CBLN1: variants seen among roughly 807,000 people sequenced by gnomAD.
CBLN1 encodes the protein cerebellin-1.
In CBLN1, 5 loss-of-function variants were observed where a neutral mutation model predicts 15.9. The observed-to-expected ratio is 0.31, with a 90% CI of 0.16 to 0.66. The LOEUF is 0.66. CBLN1 is among the 30% of genes least tolerant of loss of function. The pLI, the probability that CBLN1 is intolerant of heterozygous loss-of-function variation, is 0.75. For synonymous variants in CBLN1, 90 were observed against 107.6 expected (o/e 0.84, Z 1.01); for missense variants, 164 against 253.7 (o/e 0.65, Z 2.40).
At chr16:49,279,686 T>TGTTAGCCAAGC in intron 2 of CBLN1, 85 bp from the exon 3 acceptor site, 1 of 962,188 alleles carries the variant, frequency 1.0e-6, no homozygotes, top group Non-Finnish European at 1.5e-6. Context: ...CTTGCTTGGC[T>TGTTAGCCAAGC]AACAGCCTGT....
intron 2 of CBLN1, among the ~76,000 whole-genome samples, chr16:49,280,146 T>C (rs1345349144): frequency 1.3e-5 from 2 of 152,122 alleles, no homozygotes; most frequent in Non-Finnish European, 2.9e-5. Context: ...CGGCACAATG[T>C]ATTTCCTCCC....
At position 49,278,724 on chromosome 16, in the gene CBLN1, G is replaced by T. The variant is rs1412893407; in HGVS notation, c.*680C>A. The T allele has an allele frequency of 1.3e-5, 2 of 152,142 alleles. No homozygotes were observed. The highest frequency in any genetic ancestry group is 2.9e-5 in the Non-Finnish European group (2 of 68,062). 9.4% of individuals were successfully genotyped at this position (152,142 alleles called of 1,614,324 possible). The stretch of plus-strand genomic sequence containing the variant: ...CACTCCGAATAGAACATAGAAATAC[G>T]GAAACACAGCCAGTTTCCACTGGGA... On this transcript the variant is annotated 3_prime_UTR_variant, in exon 3 of 3. Transcript: ENST00000219197.
chr16:49,281,435 C>T lies in CBLN1; in HGVS notation c.31G>A (p.Gly11Arg). 6.3e-7 allele frequency: 1 copy of T among 1,589,772 alleles called. No homozygotes were observed. The highest frequency in any genetic ancestry group is 8.5e-7 in the Non-Finnish European group (1 of 1,174,714). ...GCCGGGCCCGCCAGCCACGCAGCCC[C>T]CAGCAGCAGCAGCTCCAGGACGCCC... MLGVLELLLLGAAWLAGPARG... is the reference protein window; with the variant it reads MLGVLELLLLRAAWLAGPARG... The change falls in exon 1 of 3, where the codon GGG becomes AGG. Residue 11 changes from glycine to arginine, a missense_variant. Gly to Arg is a moderately radical substitution (Grantham distance 125, BLOSUM62 -2). Coordinates refer to ENST00000219197, the MANE Select transcript of CBLN1 (RefSeq NM_004352.4).
chr16:49,281,359 A>G lies in CBLN1; in HGVS notation c.107T>C (p.Val36Ala). Residue 36 changes from valine (V) to alanine (A), a missense_variant, in exon 1 of 3, where the codon GTG becomes GCG. By Grantham distance (64) the Val-to-Ala change is moderately conservative (BLOSUM62 0). This residue lies in a region of CBLN1 where 127 missense variants were observed against 179.7 expected (regional missense o/e 0.71). Transcript: ENST00000219197. ...GGACGTGGGGTTGGAGTCGCACACC[A>G]CCAGGCACTTGCCCTCCAGCACGAT... The part of the protein sequence containing the change: ...EPIVLEGKCL[V>A]VCDSNPTSDP... The G allele has an allele frequency of 6.2e-7, 1 of 1,610,908 alleles. No individual in the cohort carries two copies. Among genetic ancestry groups the G allele is most frequent in the Non-Finnish European group, 8.5e-7 (1 of 1,179,950 alleles).
rs1674925131 is a variant in CBLN1 at position 49,279,222 on chromosome 16, C to T, written c.*182G>A. On this transcript the variant is annotated 3_prime_UTR_variant, in exon 3 of 3. Coordinates refer to ENST00000219197, the MANE Select transcript of CBLN1 (RefSeq NM_004352.4). ...GCAGAGCTAAGCGAAATTTATTTCT[C>T]CTAATAAGGAAATGGACAAAGTTGT... 1.6e-6 allele frequency: 1 copy of T among 614,062 alleles called. No homozygotes were observed. Among genetic ancestry groups the T allele is most frequent in the African/African-American group, 1.9e-5 (1 of 54,020 alleles). The allele number at this position is 614,062 out of a possible 1,614,324, so 38.0% of individuals were successfully genotyped here.
chr16:49,281,370 G>A lies in CBLN1; in HGVS notation c.96C>T (p.Gly32=). Residue 32 remains glycine (G), a synonymous_variant, in exon 1 of 3, where the codon GGC becomes GGT. Coordinates refer to ENST00000219197, the MANE Select transcript of CBLN1 (RefSeq NM_004352.4). ...TGGAGTCGCACACCACCAGGCACTT[G>A]CCCTCCAGCACGATGGGCTCCGTCT... ...QNETEPIVLE[G]KCLVVCDSNP... is the part of the protein sequence containing the mutation. 3.7e-6 allele frequency: 6 copies of A among 1,609,836 alleles called. No individual in the cohort carries two copies. The highest frequency in any genetic ancestry group is 5.1e-6 in the Non-Finnish European group (6 of 1,179,910).
Position 49,281,292 on chromosome 16 carries a change from G to A in CBLN1, c.174C>T (p.Gly58=). The A allele has an allele frequency of 6.2e-7, 1 of 1,613,816 alleles. No homozygotes were observed. Among genetic ancestry groups the A allele is most frequent in the Non-Finnish European group, 8.5e-7 (1 of 1,180,040 alleles). The change falls in exon 1 of 3, where the codon GGC becomes GGT. Residue 58 remains glycine, a synonymous_variant. Transcript: ENST00000219197. ...GTALGISVRS[G]SAKVAFSAIR... is the part of the protein sequence containing the mutation. The stretch of plus-strand genomic sequence containing the variant: ...TGGCAGAGAAAGCCACCTTGGCGCT[G>A]CCAGAGCGCACAGAGATGCCCAGGG...
chr16:49,281,722 A>C lies in CBLN1; in HGVS notation c.-257T>G. On this transcript the variant is annotated 5_prime_UTR_variant, in exon 1 of 3. Coordinates refer to ENST00000219197, the MANE Select transcript of CBLN1 (RefSeq NM_004352.4). ...GCTGCCCAGCCGCACTTGGATGCAT[A>C]GCCGCTGCTGCTCGGTCCCGCTGCT... The C allele has an allele frequency of 2.8e-6, 1 of 354,930 alleles. No homozygotes were observed. Among genetic ancestry groups the C allele is most frequent in the Non-Finnish European group, 5.0e-6 (1 of 199,872 alleles). 22.0% of individuals were successfully genotyped at this position (354,930 alleles called of 1,614,324 possible).
rs1319329692 is a variant in CBLN1 at position 49,279,461 on chromosome 16, G to A, written c.525C>T (p.Asn175=). ...TCGAGTACTTCCAGCCCCCCATCAA[G>A]TTTCCCCGCTCCAGCTTGAGGTATG... The part of the protein sequence containing the change: ...DRAYLKLERG[N]LMGGWKYSTF... The change falls in exon 3 of 3, where the codon AAC becomes AAT. Residue 175 remains asparagine, a synonymous_variant. Transcript: ENST00000219197. 4.3e-6 allele frequency: 7 copies of A among 1,614,180 alleles called. No individual in the cohort carries two copies. The highest frequency in any genetic ancestry group is 1.1e-5 in the South Asian group (1 of 91,078).
At position 49,281,433 on chromosome 16, in the gene CBLN1, C is replaced by G. The variant is rs1248391329; in HGVS notation, c.33G>C (p.Gly11=). The change falls in exon 1 of 3, where the codon GGG becomes GGC. Residue 11 remains glycine, a synonymous_variant. Transcript: ENST00000219197. MLGVLELLLL[G]AAWLAGPARG... is the part of the protein sequence containing the mutation. ...GGGCCGGGCCCGCCAGCCACGCAGC[C>G]CCCAGCAGCAGCAGCTCCAGGACGC... is the stretch of plus-strand genomic sequence containing the variant. 1 of 1,592,496 alleles carries G rather than the reference C, an allele frequency of 6.3e-7. No individual in the cohort carries two copies. The highest frequency in any genetic ancestry group is 8.5e-7 in the Non-Finnish European group (1 of 1,176,074).
Position 49,279,618 on chromosome 16 carries a change from C to A in CBLN1, c.385-17G>T, listed in dbSNP as rs768101476. 2 of 1,613,540 alleles carry A rather than the reference C, an allele frequency of 1.2e-6. No homozygotes were observed. The highest frequency in any genetic ancestry group is 1.3e-5 in the African/African-American group (1 of 74,894). On this transcript the variant is annotated splice_polypyrimidine_tract_variant and intron_variant, in intron 2 of 2. Coordinates refer to ENST00000219197, the MANE Select transcript of CBLN1 (RefSeq NM_004352.4). ...GAGGCTCACCTGAGAAAGAGAAAGG[C>A]CCGCTTCAGAGGCGCAACCTAGGCA...
At chr16:49,279,697 A>T in intron 2 of CBLN1, 96 bp from the exon 3 acceptor site, 3 of 581,970 alleles carry the variant, frequency 5.2e-6, no homozygotes, top group Non-Finnish European at 8.8e-6. Context: ...AACAGCCTGT[A>T]AGGCCTGGAA....
At chr16:49,280,355 C>A (rs924931937) in intron 2 of CBLN1, among the ~76,000 whole-genome samples, 9 of 152,194 alleles carry the variant, frequency 5.9e-5, no homozygotes, top group Non-Finnish European at 1.3e-4. Context: ...ACGGCTGGAG[C>A]CGGGAGAGAG....
chr16:49,281,674 T>G lies in CBLN1; in HGVS notation c.-209A>C. ...CTCCGCGCTGTGTTCCCGGAGCCCC[T>G]CCCGGGCCTCAGGGGTGCCGCGGCT... On this transcript the variant is annotated 5_prime_UTR_variant, in exon 1 of 3. Coordinates refer to ENST00000219197, the MANE Select transcript of CBLN1 (RefSeq NM_004352.4). The G allele has an allele frequency of 1.9e-5, 7 of 371,174 alleles. No homozygotes were observed. Among genetic ancestry groups the G allele is most frequent in the East Asian group, 8.7e-5 (2 of 23,120 alleles). The allele number at this position is 371,174 out of a possible 1,614,324, so 23.0% of individuals were successfully genotyped here. A position where few individuals can be genotyped will look rare whatever the true frequency, so the allele number is the denominator to read the frequency against.
Position 49,279,371 on chromosome 16 carries a change from C to T in CBLN1, c.*33G>A. On this transcript the variant is annotated 3_prime_UTR_variant, in exon 3 of 3. Transcript: ENST00000219197. ...TTCTCACTCCCCTTCCTGCCTTCGC[C>T]CTCTCCCTGCCTCCCTTCCGGCTAC... 6.2e-7 allele frequency: 1 copy of T among 1,604,332 alleles called. No individual in the cohort carries two copies. The highest frequency in any genetic ancestry group is 1.1e-5 in the South Asian group (1 of 90,860).
chr16:49,279,108 G>A lies in CBLN1; in HGVS notation c.*296C>T. 2.3e-5 allele frequency: 10 copies of A among 435,830 alleles called. No homozygotes were observed. The South Asian group carries it at 2.6e-4, about 11-fold the overall frequency. The allele number at this position is 435,830 out of a possible 1,614,324, so 27.0% of individuals were successfully genotyped here. On this transcript the variant is annotated 3_prime_UTR_variant, in exon 3 of 3. Transcript: ENST00000219197. ...ATAAATTGCAGGGAACATGAAGTTG[G>A]GGGATAAGAAACAATGACAAGGCAG...
rs1200491243 is a variant in CBLN1 at position 49,278,036 on chromosome 16, C to T, written c.*1368G>A. The stretch of plus-strand genomic sequence containing the variant: ...CCTGTGAATGAGCGGAATCATAGGT[C>T]CTGGGCGCCCGAGTATGCGGCGGGT... On this transcript the variant is annotated 3_prime_UTR_variant, in exon 3 of 3. Coordinates refer to ENST00000219197, the MANE Select transcript of CBLN1 (RefSeq NM_004352.4). The T allele has an allele frequency of 2.6e-5, 4 of 152,236 alleles. No individual in the cohort carries two copies. Among genetic ancestry groups the T allele is most frequent in the Admixed American group, 6.5e-5 (1 of 15,278 alleles). The allele number at this position is 152,236 out of a possible 1,614,324, so 9.4% of individuals were successfully genotyped here. A position where few individuals can be genotyped will look rare whatever the true frequency, so the allele number is the denominator to read the frequency against.
chr16:49,279,726 T>TGGGGGGGGGGG lies in CBLN1; in HGVS notation c.385-126_385-125insCCCCCCCCCCC. The TGGGGGGGGGGG allele has an allele frequency of 5.4e-5, 12 of 222,140 alleles. 1 individual carries two copies. The highest frequency in any genetic ancestry group is 2.4e-4 in the East Asian group (2 of 8,230). 13.8% of individuals were successfully genotyped at this position (222,140 alleles called of 1,614,324 possible). A position where few individuals can be genotyped will look rare whatever the true frequency, so the allele number is the denominator to read the frequency against. The stretch of plus-strand genomic sequence containing the variant: ...CCTGGAAGCACGGAGAGGTGGGGGG[T>TGGGGGGGGGGG]GGGGGGGGCGAATGGAGGAAAAGGG... On this transcript the variant is annotated intron_variant, in intron 2 of 2. Transcript: ENST00000219197.
At position 49,280,991 on chromosome 16, in the gene CBLN1, C is replaced by G. The variant is rs1428358813; in HGVS notation, c.316G>C (p.Ala106Pro). The stretch of plus-strand genomic sequence containing the variant: ...AAACTGTAGATCCCTTTGCGCGGGG[C>G]GATGAAAGTGCTGCGTTCTGAATCA... ...NFDSERSTFI[A>P]PRKGIYSFNF... Residue 106 changes from alanine (A) to proline (P), a missense_variant, in exon 2 of 3, where the codon GCC becomes CCC. Ala to Pro is a conservative substitution (Grantham distance 27). Around this residue, in one of 3 missense-constraint regions of CBLN1, gnomAD observed 127 missense variants for 179.7 expected, o/e 0.71. Coordinates refer to ENST00000219197, the MANE Select transcript of CBLN1 (RefSeq NM_004352.4). 6.2e-7 allele frequency: 1 copy of G among 1,614,140 alleles called. No homozygotes were observed. Among genetic ancestry groups the G allele is most frequent in the East Asian group, 2.2e-5 (1 of 44,846 alleles).
Sources: gnomAD v4.1 joint callset for allele counts (sites outside exome capture counted in the v4.1 genomes callset) on GRCh38, gnomAD v4.1.1 for gene constraint, gnomAD v4.1.1 regional missense constraint, MANE v1.5 for transcripts, NCBI Gene and HGNC (gene_info 2026-07-23, HGNC 2026-07-21) for gene names.